Variants in ODAD2 observed in about 807,000 individuals in gnomAD.
The protein encoded by ODAD2 is outer dynein arm docking complex subunit 2, also known as outer dynein arm-docking complex subunit 2.
A neutral mutation model predicts 106.8 loss-of-function variants in ODAD2; 89 were observed. That is an observed-to-expected ratio of 0.83 (90% CI 0.70 to 0.99). ODAD2 has a LOEUF of 0.99. Among genes scored for constraint, ODAD2 ranks in the 50% least tolerant of loss-of-function variants. The probability of loss-of-function intolerance (pLI) is 0.00; values close to 1 mark genes in which losing one functional copy is unlikely to be tolerated. For synonymous variants in ODAD2, 404 were observed against 436.2 expected (o/e 0.93, Z 0.92); for missense variants, 1,168 against 1,238.5 (o/e 0.94, Z 0.85).
chr10:27,816,425 G>A (rs972843879), intron 19 of ODAD2, among the ~76,000 whole-genome samples: 9 of 152,042 alleles, frequency 5.9e-5, no homozygotes, highest in Admixed American at 6.6e-5. Context: ...CTCCAGCATC[G>A]TTCAATATCC....
At chr10:27,881,731 C>T (rs995167186) in intron 17 of ODAD2, among the ~76,000 whole-genome samples, 4 of 152,098 alleles carry the variant, frequency 2.6e-5, no homozygotes, top group Non-Finnish European at 5.9e-5. Context: ...CACTTTTATT[C>T]ATTAATTCAT....
Position 27,940,605 on chromosome 10 carries a change from C to T in ODAD2, c.1944G>A (p.Met648Ile). 1 of 1,614,082 alleles carries T rather than the reference C, an allele frequency of 6.2e-7. No homozygotes were observed. The highest frequency in any genetic ancestry group is 8.5e-7 in the Non-Finnish European group (1 of 1,179,982). ...ARLLKTSHEN[M>I]LIPVVGTLQE... Reference sequence around the variant, plus strand: ...GCAATGTCCCCACCACTGGAATTAGCATGTTTTCATGAGAAGTCTTCAGCA... The same window carrying T: ...GCAATGTCCCCACCACTGGAATTAGTATGTTTTCATGAGAAGTCTTCAGCA... The change falls in exon 13 of 20, where the codon ATG becomes ATA. Residue 648 changes from methionine (M) to isoleucine (I), a missense_variant. By Grantham distance (10) the Met-to-Ile change is conservative (BLOSUM62 1). This residue lies in a region of ODAD2 where 701 missense variants were observed against 712.3 expected (regional missense o/e 0.98). Coordinates refer to ENST00000305242, the MANE Select transcript of ODAD2 (RefSeq NM_018076.5).
chr10:27,816,588 AG>A (rs1309997246), intron 19 of ODAD2, among the ~76,000 whole-genome samples: 1 of 152,198 alleles, frequency 6.6e-6, no homozygotes, highest in Non-Finnish European at 1.5e-5. Context: ...AAAACAGTTT[AG>A]GTGGGACCAA....
chr10:27,982,688 TC>T (rs1849636066), intron 6 of ODAD2, among the ~76,000 whole-genome samples: 1 of 152,082 alleles, frequency 6.6e-6, no homozygotes, highest in Non-Finnish European at 1.5e-5. Flanking sequence ...CTCCAGGCAG[TC>T]CCCCGTGATG....
intron 17 of ODAD2, among the ~76,000 whole-genome samples, chr10:27,892,225 A>G (rs1024207915): frequency 6.0e-5 from 9 of 151,086 alleles, no homozygotes; most frequent in African/African-American, 2.2e-4. Context: ...TCTTAATAGG[A>G]AAAAAGAACT....
chr10:27,819,370 G>C (rs1010188800), intron 19 of ODAD2, among the ~76,000 whole-genome samples: 2 of 152,104 alleles, frequency 1.3e-5, no homozygotes, highest in African/African-American at 4.8e-5. Context: ...GGGTGAGAGA[G>C]ATATACTATG....
At chr10:27,938,687 C>T (rs1030261055) in intron 14 of ODAD2, among the ~76,000 whole-genome samples, 1 of 151,852 alleles carries the variant, frequency 6.6e-6, no homozygotes, top group African/African-American at 2.4e-5. Flanking sequence ...GCAACCTCCA[C>T]CTCCCAGGTT....
chr10:27,976,917 T>C (rs1252266408), intron 7 of ODAD2, among the ~76,000 whole-genome samples: 1 of 152,164 alleles, frequency 6.6e-6, no homozygotes, highest in Non-Finnish European at 1.5e-5. Context: ...CAGTATGAAG[T>C]GTTCAGAAAT....
intron 3 of ODAD2, among the ~76,000 whole-genome samples, chr10:27,986,581 A>G (rs1849887494): frequency 6.6e-6 from 1 of 152,208 alleles, no homozygotes. Flanking sequence ...TCTAAAAAAT[A>G]AAAGTAAAAA....
chr10:27,923,905 C>T (rs1238986034), intron 16 of ODAD2, among the ~76,000 whole-genome samples: 2 of 144,786 alleles, frequency 1.4e-5, no homozygotes, highest in Non-Finnish European at 3.0e-5. Flanking sequence ...GCTATGATTA[C>T]ACCACTGCAT....
intron 7 of ODAD2, among the ~76,000 whole-genome samples, chr10:27,978,340 C>A (rs1291159857): frequency 6.6e-6 from 1 of 152,162 alleles, no homozygotes; most frequent in Non-Finnish European, 1.5e-5. Flanking sequence ...GAAACATAAG[C>A]CTTTGAAATG....
At chr10:27,960,513 A>AT (rs1012742383) in intron 10 of ODAD2, among the ~76,000 whole-genome samples, 3 of 150,840 alleles carry the variant, frequency 2.0e-5, no homozygotes, top group Admixed American at 6.6e-5. Context: ...CGCCCAGCTA[A>AT]TTTTTTTTGT....
intron 17 of ODAD2, among the ~76,000 whole-genome samples, chr10:27,882,977 G>A (rs1394348041): frequency 2.0e-5 from 3 of 151,796 alleles, no homozygotes; most frequent in Admixed American, 6.6e-5. Context: ...GTAAATAAGA[G>A]GCTGGTCAAA....
chr10:27,848,821 T>C (rs1181264901), intron 19 of ODAD2, among the ~76,000 whole-genome samples: 1 of 152,142 alleles, frequency 6.6e-6, no homozygotes, highest in Non-Finnish European at 1.5e-5. Context: ...TCACTGGCCA[T>C]CAGAGAAATG....
At chr10:27,856,205 A>G (rs1839642349) in intron 19 of ODAD2, among the ~76,000 whole-genome samples, 1 of 152,246 alleles carries the variant, frequency 6.6e-6, no homozygotes, top group Non-Finnish European at 1.5e-5. Flanking sequence ...ACATTTGAAA[A>G]GGAAGTCTGT....
chr10:27,812,864 G>T (rs1468141638), intron 19 of ODAD2, among the ~76,000 whole-genome samples: 1 of 152,118 alleles, frequency 6.6e-6, no homozygotes, highest in African/African-American at 2.4e-5. Flanking sequence ...CACTTTCTCT[G>T]GGTATCTAAC....
chr10:27,954,866 T>C (rs1847610015), intron 10 of ODAD2, among the ~76,000 whole-genome samples: 1 of 152,222 alleles, frequency 6.6e-6, no homozygotes, highest in Admixed American at 6.5e-5. Context: ...TAACACACAT[T>C]ACCAGTAATC....
chr10:27,813,954 C>A (rs190062890), intron 19 of ODAD2, among the ~76,000 whole-genome samples: 1 of 152,232 alleles, frequency 6.6e-6, no homozygotes, highest in African/African-American at 2.4e-5. Flanking sequence ...CCCAGAACAA[C>A]TGCTTATCCA....
intron 19 of ODAD2, among the ~76,000 whole-genome samples, chr10:27,854,737 C>T (rs1327976199): frequency 6.6e-6 from 1 of 152,028 alleles, no homozygotes; most frequent in African/African-American, 2.4e-5. Flanking sequence ...CCCTGGGCCA[C>T]AGAGACAGAT....
Sources: allele counts gnomAD v4.1 joint callset (sites outside exome capture counted in the v4.1 genomes callset), GRCh38; gene constraint gnomAD v4.1.1; regional missense constraint gnomAD v4.1.1; transcripts MANE v1.5; gene names NCBI Gene and HGNC (gene_info 2026-07-23, HGNC 2026-07-21).